RPF1: variants seen among roughly 807,000 people sequenced by gnomAD.
RPF1 encodes the protein ribosome production factor 1.
RPF1 carries 34 observed loss-of-function variants against 41.9 expected under a neutral mutation model. The observed-to-expected ratio is 0.81, with a 90% CI of 0.62 to 1.08. The LOEUF (loss-of-function observed/expected upper bound fraction) is 1.08. RPF1 is among the 50% of genes least tolerant of loss of function. The pLI is 0.00. For synonymous variants in RPF1, 140 were observed against 148.9 expected, an observed-to-expected ratio of 0.94 and a Z score of 0.43; for missense variants, 425 against 435.2, an observed-to-expected ratio of 0.98 and a Z score of 0.21.
rs1297722608 is a variant in RPF1 at position 84,482,959 on chromosome 1, G to A, written c.330G>A (p.Val110=). 2 of 1,611,888 alleles carry A rather than the reference G, an allele frequency of 1.2e-6. No homozygotes were observed. The highest frequency in any genetic ancestry group is 1.3e-5 in the African/African-American group (1 of 74,860). ...CCAAGACCATTGACAACCAGCGAGT[G>A]TATGATGAAACCACAGTAGACCCTA... ...PVPKTIDNQR[V]YDETTVDPND... Residue 110 remains valine (V), a synonymous_variant, in exon 3 of 9, where the codon GTG becomes GTA. Coordinates refer to ENST00000370654, the MANE Select transcript of RPF1 (RefSeq NM_025065.7).
At position 84,479,315 on chromosome 1, in the gene RPF1, G is replaced by C; in HGVS notation, c.34G>C (p.Gly12Arg). The change falls in exon 1 of 9, where the codon GGG becomes CGG. Residue 12 changes from glycine to arginine, a missense_variant. Transcript: ENST00000370654. ...AGCCGGGGATAAGAGCAGCAGCAGC[G>C]GGAAGAAAAGTCTAAAACGGAAAGC... is the stretch of plus-strand genomic sequence containing the variant. ...AKAGDKSSSSGKKSLKRKAAA... is the reference protein window; with the variant it reads ...AKAGDKSSSSRKKSLKRKAAA... The C allele has an allele frequency of 1.2e-6, 2 of 1,609,026 alleles. No homozygotes were observed. Among genetic ancestry groups the C allele is most frequent in the South Asian group, 2.2e-5 (2 of 90,734 alleles).
rs1681911460 is a variant in RPF1 at position 84,495,249 on chromosome 1, A to G, written c.617-124A>G. On this transcript the variant is annotated intron_variant, in intron 5 of 8. Coordinates refer to ENST00000370654, the MANE Select transcript of RPF1 (RefSeq NM_025065.7). ...TAGGAAAATGTCACTTCAGAGGAAT[A>G]TGTACATCTGCCTATTCACTTGGGT... is the stretch of plus-strand genomic sequence containing the variant. The G allele has an allele frequency of 1.3e-5, 8 of 623,474 alleles. No homozygotes were observed. In the South Asian group the frequency reaches 1.4e-4, roughly 11 times the overall value. The allele number at this position is 623,474 out of a possible 1,614,324, so 38.6% of individuals were successfully genotyped here.
chr1:84,493,861 T>A (rs1198874407), intron 5 of RPF1, among the ~76,000 whole-genome samples: 2 of 152,132 alleles, frequency 1.3e-5, no homozygotes, highest in Non-Finnish European at 2.9e-5. Context: ...TACCTACCAG[T>A]TAGGAAACAG....
At chr1:84,491,209 A>G (rs939850867) in intron 5 of RPF1, among the ~76,000 whole-genome samples, 3 of 152,086 alleles carry the variant, frequency 2.0e-5, no homozygotes, top group Admixed American at 6.5e-5. Context: ...TAGGTTTGTT[A>G]TTATTGTTGC....
chr1:84,495,511 T>C, intron 6 of RPF1, 56 bp downstream of exon 6: 2 of 778,120 alleles, frequency 2.6e-6, no homozygotes, highest in Admixed American at 2.6e-5. Context: ...ATTTATTTGA[T>C]CAATAGATGC....
chr1:84,482,310 T>G (rs937717116), intron 2 of RPF1, among the ~76,000 whole-genome samples: 1 of 152,260 alleles, frequency 6.6e-6, no homozygotes, highest in African/African-American at 2.4e-5. Context: ...TTGCTGATCC[T>G]AACAGTATTC....
chr1:84,489,245 T>G (rs1681789470), intron 3 of RPF1, among the ~76,000 whole-genome samples: 2 of 152,190 alleles, frequency 1.3e-5, no homozygotes, highest in Admixed American at 1.3e-4. Flanking sequence ...TCTGAGTGTC[T>G]CTCAATGGAA....
chr1:84,490,672 A>AAG (rs1681817943), intron 5 of RPF1, among the ~76,000 whole-genome samples, 200 bp downstream of exon 5: 1 of 152,220 alleles, frequency 6.6e-6, no homozygotes, highest in Non-Finnish European at 1.5e-5. Context: ...TGCTACAGCC[A>AAG]AGAGATTGTT....
At chr1:84,486,279 G>C (rs1681734356) in intron 3 of RPF1, among the ~76,000 whole-genome samples, 1 of 151,978 alleles carries the variant, frequency 6.6e-6, no homozygotes, top group Non-Finnish European at 1.5e-5. Context: ...AAGAGCCACT[G>C]GGTGGGTTAG....
chr1:84,491,091 G>A (rs369340862), intron 5 of RPF1, among the ~76,000 whole-genome samples: 2 of 152,164 alleles, frequency 1.3e-5, no homozygotes, highest in African/African-American at 4.8e-5. Flanking sequence ...TGTTATGTGT[G>A]TGTTCCAGTC....
chr1:84,484,812 A>G (rs548939947), intron 3 of RPF1, among the ~76,000 whole-genome samples: 1 of 151,042 alleles, frequency 6.6e-6, no homozygotes, highest in South Asian at 2.1e-4. Flanking sequence ...CAGCCTCCCA[A>G]GTAGCTAGGA....
rs1436081228 is a variant in RPF1, at chr1:84,497,474, A to G, written c.*4A>G. ...TAGAAGAAAATTCCATTTATAAAGTACTGAGAGAATGATATTGGATTTTGC... is the reference window on the plus strand; with the variant it reads ...TAGAAGAAAATTCCATTTATAAAGTGCTGAGAGAATGATATTGGATTTTGC... On this transcript the variant is annotated 3_prime_UTR_variant, in exon 9 of 9. Transcript: ENST00000370654. The G allele has an allele frequency of 2.5e-6, 4 of 1,607,150 alleles. No homozygotes were observed. The East Asian group carries it at 6.7e-5, about 27-fold the overall frequency.
Position 84,496,004 on chromosome 1 carries a change from C to A in RPF1, c.822C>A (p.Ile274=). Residue 274 remains isoleucine, a synonymous_variant, in exon 7 of 9, where the codon ATC becomes ATA. Transcript: ENST00000370654. The stretch of plus-strand genomic sequence containing the variant: ...TCTTTCCTCATAATCCTCAATTTAT[C>A]GGAAGGCAGGTTGCCACATTCCACA... The part of the protein sequence containing the change: ...ASLFPHNPQF[I]GRQVATFHNQ... The A allele has an allele frequency of 6.2e-7, 1 of 1,612,292 alleles. No homozygotes were observed. Among genetic ancestry groups the A allele is most frequent in the Non-Finnish European group, 8.5e-7 (1 of 1,178,400 alleles).
chr1:84,481,660 GA>G (rs1483662217), intron 2 of RPF1, among the ~76,000 whole-genome samples: 17 of 152,202 alleles, frequency 1.1e-4, no homozygotes, highest in African/African-American at 4.1e-4. Context: ...GTACTCATAA[GA>G]AGTGAAATCT....
At position 84,497,415 on chromosome 1, in the gene RPF1, C is replaced by T. The variant is rs778905804; in HGVS notation, c.1009-14C>T. Reference sequence around the variant, plus strand: ...TTTGTTTTCTTCCTCCACTCCCTTGCTTTCCACTTTCAGCCCCGGGAAATG... The same window carrying T: ...TTTGTTTTCTTCCTCCACTCCCTTGTTTTCCACTTTCAGCCCCGGGAAATG... On this transcript the variant is annotated splice_polypyrimidine_tract_variant and intron_variant, in intron 8 of 8. Transcript: ENST00000370654. 1 of 1,608,078 alleles carries T rather than the reference C, an allele frequency of 6.2e-7. No individual in the cohort carries two copies. The highest frequency in any genetic ancestry group is 2.2e-5 in the East Asian group (1 of 44,704).
At chr1:84,493,857 CCA>C (rs1385640904) in intron 5 of RPF1, among the ~76,000 whole-genome samples, 2 of 152,132 alleles carry the variant, frequency 1.3e-5, no homozygotes, top group Non-Finnish European at 2.9e-5. Flanking sequence ...TGAGTACCTA[CCA>C]GTTAGGAAAC....
chr1:84,496,107 TA>T, intron 7 of RPF1, 44 bp downstream of exon 7: 2 of 1,505,638 alleles, frequency 1.3e-6, no homozygotes, highest in Middle Eastern at 3.5e-4. Flanking sequence ...AATTATGAAA[TA>T]TATTTTCAAC....
rs1474689828 is a variant in RPF1 at position 84,497,581 on chromosome 1, C to T, written c.*111C>T. 8.4e-6 allele frequency: 6 copies of T among 713,758 alleles called. No homozygotes were observed. Among genetic ancestry groups the T allele is most frequent in the East Asian group, 3.0e-5 (1 of 33,640 alleles). 44.2% of individuals were successfully genotyped at this position (713,758 alleles called of 1,614,324 possible). ...AATGGCATTTGCTGATTTCATAAAC[C>T]TTTCACGTCTGGACGAATTACCAAA... On this transcript the variant is annotated 3_prime_UTR_variant, in exon 9 of 9. Transcript: ENST00000370654.
intron 3 of RPF1, 35 bp downstream of exon 3, chr1:84,483,030 C>T (rs372518170): frequency 1.4e-5 from 18 of 1,247,432 alleles, no homozygotes; most frequent in Non-Finnish European, 1.8e-5. Flanking sequence ...TTTGAATGAT[C>T]ACATATAATT....
Sources: allele counts gnomAD v4.1 joint callset (sites outside exome capture counted in the v4.1 genomes callset), GRCh38; gene constraint gnomAD v4.1.1; transcripts MANE v1.5; gene names NCBI Gene and HGNC (gene_info 2026-07-23, HGNC 2026-07-21).